The following SORBS2 variants were observed in gnomAD, a reference collection of about 807,000 sequenced individuals.
The protein encoded by SORBS2 is sorbin and SH3 domain containing 2.
SORBS2 carries 46 observed loss-of-function variants against 97.7 expected under a neutral mutation model. The ratio of observed to expected loss-of-function variants is 0.47; its 90% CI spans 0.37 to 0.60. The LOEUF (loss-of-function observed/expected upper bound fraction) is 0.60. Ranked by LOEUF, SORBS2 falls within the 20% of genes least tolerant of loss-of-function variation. The pLI is 0.00. For synonymous variants in SORBS2, 476 were observed against 473.4 expected (o/e 1.01, Z -0.07); for missense variants, 1,316 against 1,282.3 (o/e 1.03, Z -0.40).
chr4:185,694,706 C>CTTT (rs1200094039), intron 2 of SORBS2, among the ~76,000 whole-genome samples: 54 of 124,200 alleles, frequency 4.3e-4, no homozygotes, highest in African/African-American at 1.1e-3. Flanking sequence ...CCTTTTCTTT[C>CTTT]TTTTCTTTTC....
chr4:185,727,749 C>T (rs1239275579), intron 2 of SORBS2, among the ~76,000 whole-genome samples: 1 of 152,316 alleles, frequency 6.6e-6, no homozygotes, highest in Non-Finnish European at 1.5e-5. Context: ...AGGTTTGCTA[C>T]ACATTTTAAC....
intron 1 of SORBS2, among the ~76,000 whole-genome samples, chr4:185,878,401 C>T (rs535816876): frequency 5.3e-5 from 8 of 152,244 alleles, no homozygotes; most frequent in African/African-American, 1.2e-4. Flanking sequence ...CCCACCTCTC[C>T]GCACTTCACC....
chr4:185,803,391 G>A (rs1418129434), intron 1 of SORBS2, among the ~76,000 whole-genome samples: 7 of 152,152 alleles, frequency 4.6e-5, no homozygotes, highest in Non-Finnish European at 7.3e-5. Flanking sequence ...CTTAGGGTTC[G>A]AAATCATTAT....
At chr4:185,655,945 T>G (rs931366690) in intron 1 of SORBS2, among the ~76,000 whole-genome samples, 1 of 152,210 alleles carries the variant, frequency 6.6e-6, no homozygotes, top group African/African-American at 2.4e-5. Flanking sequence ...TTTCTTAATT[T>G]TGTCTATACT....
rs137920781 is a variant in SORBS2 at position 185,830,513 on chromosome 4, T to G, written c.-337-55147A>C. Among the ~76,000 whole-genome samples, 100 of 152,280 alleles carry G rather than the reference T, an allele frequency of 6.6e-4. 1 individual carries two copies. Among genetic ancestry groups the G allele is most frequent in the Admixed American group, 2.2e-3 (34 of 15,290 alleles). ...CGCTGAAGAAGTAGGAGCATATCTT[T>G]TGTGTGTTGGAAGAGGCCCCCTTTT... On this transcript the variant is annotated intron_variant, in intron 1 of 20. Transcript: ENST00000284776.
At chr4:185,798,714 T>A (rs1199759928) in intron 1 of SORBS2, among the ~76,000 whole-genome samples, 1 of 152,232 alleles carries the variant, frequency 6.6e-6, no homozygotes, top group Non-Finnish European at 1.5e-5. Flanking sequence ...CATCAGTCCA[T>A]ATCTTGAATT....
intron 2 of SORBS2, among the ~76,000 whole-genome samples, chr4:185,754,350 T>C (rs1489728553): frequency 6.6e-6 from 1 of 152,124 alleles, no homozygotes; most frequent in Non-Finnish European, 1.5e-5. Flanking sequence ...TCAAGTACTA[T>C]GCTTATTACC....
At chr4:185,640,960 A>G (rs954275456) in intron 4 of SORBS2, among the ~76,000 whole-genome samples, 2 of 152,244 alleles carry the variant, frequency 1.3e-5, no homozygotes, top group Non-Finnish European at 2.9e-5. Context: ...GGGGAGATAG[A>G]AACTTCTCTT....
chr4:185,650,398 A>G (rs981950018), intron 2 of SORBS2, among the ~76,000 whole-genome samples: 1 of 151,910 alleles, frequency 6.6e-6, no homozygotes, highest in Non-Finnish European at 1.5e-5. Flanking sequence ...TGGTATAGAA[A>G]AAAAGGCAGA....
chr4:185,667,985 T>C (rs2153481570), intron 4 of SORBS2, among the ~76,000 whole-genome samples: 1 of 152,262 alleles, frequency 6.6e-6, no homozygotes, highest in South Asian at 2.1e-4. Context: ...CCCCTAATAA[T>C]TCAGCTTTAC....
chr4:185,951,716 C>T (rs916657408), intron 1 of SORBS2, among the ~76,000 whole-genome samples: 1 of 152,170 alleles, frequency 6.6e-6, no homozygotes, highest in Non-Finnish European at 1.5e-5. Context: ...TCCTAATTTG[C>T]AGATTGTATT....
intron 1 of SORBS2, among the ~76,000 whole-genome samples, chr4:185,949,905 A>G (rs1368407426): frequency 6.6e-6 from 1 of 152,156 alleles, no homozygotes; most frequent in African/African-American, 2.4e-5. Context: ...GATGCCAAGA[A>G]GAGGGGAAGA....
chr4:185,919,547 C>T (rs2099260009), intron 1 of SORBS2: 1 of 152,164 alleles, frequency 6.6e-6, no homozygotes, highest in Non-Finnish European at 1.5e-5. Flanking sequence ...ATATAAACTG[C>T]CTAGACCAGT....
chr4:185,864,121 A>C (rs1047271257), intron 1 of SORBS2, among the ~76,000 whole-genome samples: 2 of 152,204 alleles, frequency 1.3e-5, no homozygotes, highest in African/African-American at 4.8e-5. Context: ...TCAAGTTATA[A>C]AAAGTGTGCC....
At chr4:185,800,396 C>T (rs554878833) in intron 1 of SORBS2, among the ~76,000 whole-genome samples, 24 of 152,198 alleles carry the variant, frequency 1.6e-4, no homozygotes, top group South Asian at 4.1e-4. Context: ...GAGTCAGTGC[C>T]GTTCCTGGGC....
chr4:185,803,992 C>A (rs1278541235), intron 1 of SORBS2, among the ~76,000 whole-genome samples: 1 of 152,082 alleles, frequency 6.6e-6, no homozygotes, highest in African/African-American at 2.4e-5. Flanking sequence ...AGGTTAAATT[C>A]GGAGGAAAAA....
intron 4 of SORBS2, among the ~76,000 whole-genome samples, chr4:185,668,998 T>C (rs2097665435): frequency 6.6e-6 from 1 of 152,226 alleles, no homozygotes; most frequent in Admixed American, 6.5e-5. Context: ...ATGCTTCATA[T>C]ACCAAGAGAG....
At chr4:185,699,211 C>A (rs1456374070) in intron 2 of SORBS2, among the ~76,000 whole-genome samples, 2 of 151,038 alleles carry the variant, frequency 1.3e-5, no homozygotes, top group Non-Finnish European at 2.9e-5. Context: ...GGAAAATTTG[C>A]TCTAATTTGA....
intron 2 of SORBS2, among the ~76,000 whole-genome samples, chr4:185,724,665 C>T (rs2153564132): frequency 6.6e-6 from 1 of 152,250 alleles, no homozygotes; most frequent in East Asian, 1.9e-4. Flanking sequence ...TGACCTGACT[C>T]CATTCTCCTT....
Sources: allele counts gnomAD v4.1 joint callset (sites outside exome capture counted in the v4.1 genomes callset), GRCh38; gene constraint gnomAD v4.1.1; transcripts MANE v1.5; gene names NCBI Gene and HGNC (gene_info 2026-07-23, HGNC 2026-07-21).